DENND4C: variants seen among roughly 807,000 people sequenced by gnomAD.
DENND4C encodes DENN domain containing 4C.
Under a neutral mutation model 203.0 loss-of-function variants are expected in DENND4C, and 108 were observed. That is an observed-to-expected ratio of 0.53 (90% CI 0.46 to 0.62). The LOEUF (loss-of-function observed/expected upper bound fraction) is 0.62, where lower values mean the gene tolerates loss of function less well. Among genes scored for constraint, DENND4C ranks in the 20% least tolerant of loss-of-function variants. The probability of loss-of-function intolerance (pLI) is 0.00; values close to 1 mark genes in which losing one functional copy is unlikely to be tolerated. For synonymous variants in DENND4C, 871 were observed against 792.4 expected, an observed-to-expected ratio of 1.10 and a Z score of -1.67; for missense variants, 2,481 against 2,301.2, an observed-to-expected ratio of 1.08 and a Z score of -1.60.
intron 21 of DENND4C, among the ~76,000 whole-genome samples, chr9:19,342,124 CAAAA>C (rs34191941): frequency 1.6e-5 from 1 of 61,878 alleles, no homozygotes; most frequent in East Asian, 6.3e-4. Flanking sequence ...GACTCCATCT[CAAAA>C]AAAAAAAAAA....
Position 19,372,075 on chromosome 9 carries a change from C to G in DENND4C, c.5779C>G (p.Leu1927Val). The change falls in exon 33 of 33, where the codon CTG (leucine) becomes GTG (valine). Residue 1927 changes from leucine to valine, a missense_variant. Transcript: ENST00000434457. ...TGAATATGGAATTGCATACAATAGTCTGTCTTCAGAGATTCTTGAAAGGTT... is the reference window on the plus strand; with the variant it reads ...TGAATATGGAATTGCATACAATAGTGTGTCTTCAGAGATTCTTGAAAGGTT... ...DNEYGIAYNS[L>V]SSEILERLQK... The G allele has an allele frequency of 6.2e-7, 1 of 1,613,980 alleles. No individual in the cohort carries two copies. Among genetic ancestry groups the G allele is most frequent in the Non-Finnish European group, 8.5e-7 (1 of 1,179,988 alleles).
chr9:19,276,239 C>T lies in DENND4C; in HGVS notation c.65C>T (p.Ser22Phe). ...GTCGTAGCTGGTCTCACTGACACAT[C>T]TACTCTTTTGGATCAAGAAATAAAT... ...YFVVAGLTDT[S>F]TLLDQEINRL... Residue 22 changes from serine to phenylalanine, a missense_variant, in exon 2 of 33, where the codon TCT (serine) becomes TTT (phenylalanine). Physicochemically the swap from Ser to Phe is radical, Grantham distance 155. This residue lies in a region of DENND4C where 187 missense variants were observed against 167.4 expected (regional missense o/e 1.12). Coordinates refer to ENST00000434457, the MANE Select transcript of DENND4C (RefSeq NM_001330640.2). The T allele has an allele frequency of 6.5e-6, 8 of 1,232,072 alleles. No homozygotes were observed. The highest frequency in any genetic ancestry group is 8.1e-6 in the Non-Finnish European group (8 of 987,896). 76.3% of individuals were successfully genotyped at this position (1,232,072 alleles called of 1,614,324 possible).
intron 30 of DENND4C, among the ~76,000 whole-genome samples, chr9:19,364,553 G>C (rs766089146): frequency 2.0e-5 from 3 of 152,006 alleles, no homozygotes; most frequent in East Asian, 1.9e-4. Flanking sequence ...CACTCTAAAA[G>C]AAGGGCCACT....
chr9:19,290,647 G>A (rs1366303236), intron 4 of DENND4C, 57 bp from the exon 5 acceptor site: 5 of 1,198,552 alleles, frequency 4.2e-6, no homozygotes, highest in Non-Finnish European at 1.1e-6. Context: ...CCTATCATAT[G>A]CAATTTATGG....
intron 30 of DENND4C, among the ~76,000 whole-genome samples, 188 bp from the exon 31 acceptor site, chr9:19,369,649 C>G (rs2132337867): frequency 6.6e-6 from 1 of 151,712 alleles, no homozygotes; most frequent in South Asian, 2.1e-4. Context: ...CATCTGTAGT[C>G]CCAGCTATTT....
chr9:19,242,558 T>C (rs1824024034), intron 1 of DENND4C, among the ~76,000 whole-genome samples: 1 of 152,230 alleles, frequency 6.6e-6, no homozygotes, highest in Non-Finnish European at 1.5e-5. Context: ...AATGTTAGAG[T>C]TCCTGTTCGC....
chr9:19,324,698 T>G (rs751579188), intron 13 of DENND4C, among the ~76,000 whole-genome samples, 191 bp downstream of exon 13: 3 of 152,204 alleles, frequency 2.0e-5, no homozygotes, highest in South Asian at 2.1e-4. Context: ...CTACCACATA[T>G]AGCCAATTTT....
chr9:19,307,393 CAAAAAAAAA>C (rs753710246), intron 10 of DENND4C, among the ~76,000 whole-genome samples: 1 of 58,422 alleles, frequency 1.7e-5, no homozygotes, highest in Non-Finnish European at 3.5e-5. Context: ...GACTCTGTCT[CAAAAAAAAA>C]AAAAAAAAAA....
At position 19,279,853 on chromosome 9, in the gene DENND4C, C is replaced by A. The variant is rs1223704107; in HGVS notation, c.305+3374C>A. ...ACCCTGCCTCAGAAGAAAAAAAAAT[C>A]TATTTTTAACAAAATTCCCAGAAAC... On this transcript the variant is annotated intron_variant, in intron 2 of 32. Transcript: ENST00000434457. Among the ~76,000 whole-genome samples, 7 of 151,688 alleles carry A rather than the reference C, an allele frequency of 4.6e-5. No individual in the cohort carries two copies. The East Asian group carries it at 1.4e-3, about 29-fold the overall frequency.
intron 1 of DENND4C, among the ~76,000 whole-genome samples, chr9:19,243,227 T>C (rs1824216696): frequency 6.6e-6 from 1 of 152,222 alleles, no homozygotes; most frequent in Non-Finnish European, 1.5e-5. Flanking sequence ...GGACATTTCA[T>C]AGAAATGAAG....
intron 10 of DENND4C, among the ~76,000 whole-genome samples, chr9:19,315,489 G>GAA (rs1841631489): frequency 1.4e-5 from 2 of 146,704 alleles, no homozygotes; most frequent in Admixed American, 6.8e-5. Flanking sequence ...TATATTCTTG[G>GAA]AATATATATA....
Position 19,373,190 on chromosome 9 carries a change from A to ATACACCTTTCATATTATGT in DENND4C, c.*1018_*1036dup, listed in dbSNP as rs1829129652. 1 of 152,172 alleles carries ATACACCTTTCATATTATGT rather than the reference A, an allele frequency of 6.6e-6. No homozygotes were observed. Among genetic ancestry groups the ATACACCTTTCATATTATGT allele is most frequent in the African/African-American group, 2.4e-5 (1 of 41,448 alleles). The allele number at this position is 152,172 out of a possible 1,614,324, so 9.4% of individuals were successfully genotyped here. A position where few individuals can be genotyped will look rare whatever the true frequency, so the allele number is the denominator to read the frequency against. On this transcript the variant is annotated 3_prime_UTR_variant, in exon 33 of 33. Transcript: ENST00000434457. ...CCGCAATTATTTTTGTACCAACATAATACACCTTTCATATTATGTATTATC... is the reference window on the plus strand; with the variant it reads ...CCGCAATTATTTTTGTACCAACATAATACACCTTTCATATTATGTTACACCTTTCATATTATGTATTATC...
chr9:19,297,850 A>C (rs1837773439), intron 6 of DENND4C, among the ~76,000 whole-genome samples: 2 of 152,156 alleles, frequency 1.3e-5, no homozygotes, highest in South Asian at 4.1e-4. Flanking sequence ...ATAGACTTTA[A>C]GTCAGGAAAT....
At chr9:19,285,576 CT>C (rs61396893) in intron 2 of DENND4C, among the ~76,000 whole-genome samples, 155 of 135,776 alleles carry the variant, frequency 1.1e-3, no homozygotes, top group Admixed American at 2.7e-3. Flanking sequence ...GTCTTTGTGA[CT>C]TTTTTTTTTT....
chr9:19,341,988 T>C (rs911881977), intron 21 of DENND4C, among the ~76,000 whole-genome samples: 1 of 152,084 alleles, frequency 6.6e-6, no homozygotes, highest in African/African-American at 2.4e-5. Context: ...CCAGGCATAG[T>C]GGCAGCACCT....
intron 1 of DENND4C, among the ~76,000 whole-genome samples, chr9:19,242,987 G>A (rs1197859274): frequency 2.0e-5 from 3 of 152,038 alleles, no homozygotes; most frequent in Non-Finnish European, 4.4e-5. Flanking sequence ...GCTTTATTGA[G>A]ATATAATTTA....
chr9:19,261,526 A>G (rs368799519), intron 1 of DENND4C, among the ~76,000 whole-genome samples: 2 of 150,478 alleles, frequency 1.3e-5, no homozygotes, highest in Non-Finnish European at 2.9e-5. Flanking sequence ...TTTTGGAGAT[A>G]GGGTCTCACA....
rs1356619945 is a variant in DENND4C at position 19,342,620 on chromosome 9, TA to T, written c.3005-12del. The T allele has an allele frequency of 1.9e-6, 3 of 1,579,268 alleles. No individual in the cohort carries two copies. The highest frequency in any genetic ancestry group is 2.7e-5 in the African/African-American group (2 of 73,028). The stretch of plus-strand genomic sequence containing the variant: ...AAAAGTAGGAATGATAACATCCAAA[TA>T]TTTTTTTCCAGAGGTGTGTGATGCC... On this transcript the variant is annotated splice_polypyrimidine_tract_variant and intron_variant, in intron 21 of 32. Coordinates refer to ENST00000434457, the MANE Select transcript of DENND4C (RefSeq NM_001330640.2).
At chr9:19,277,935 C>T (rs1226822046) in intron 2 of DENND4C, among the ~76,000 whole-genome samples, 1 of 151,884 alleles carries the variant, frequency 6.6e-6, no homozygotes, top group Non-Finnish European at 1.5e-5. Context: ...CCTTTGTTCT[C>T]TTAGTGTCAT....
Sources: gnomAD v4.1 joint callset for allele counts (sites outside exome capture counted in the v4.1 genomes callset) on GRCh38, gnomAD v4.1.1 for gene constraint, gnomAD v4.1.1 regional missense constraint, MANE v1.5 for transcripts, NCBI Gene and HGNC (gene_info 2026-07-23, HGNC 2026-07-21) for gene names.